The following UBA52 variants were observed in gnomAD, a reference collection of about 807,000 sequenced individuals.
UBA52 encodes the protein ubiquitin-ribosomal protein eL40 fusion protein.
In UBA52, 1 loss-of-function variant was observed where a neutral mutation model predicts 15.3. The ratio of observed to expected loss-of-function variants is 0.07; its 90% CI spans 0.02 to 0.31. The LOEUF (loss-of-function observed/expected upper bound fraction) is 0.31. UBA52 is among the 10% of genes least tolerant of loss of function. UBA52 has a pLI of 1.00. For synonymous variants in UBA52, 50 were observed against 58.3 expected (o/e 0.86, Z 0.65); for missense variants, 87 against 168.0 (o/e 0.52, Z 2.66).
At chr19:18,573,130 A>C (rs1377488570) in intron 1 of UBA52, 163 bp from the exon 2 acceptor site, 1 of 1,115,450 alleles carries the variant, frequency 9.0e-7, no homozygotes, top group African/African-American at 1.6e-5. Context: ...TGAGAAGCCT[A>C]GCAGGGCCAG....
the UBA52 span, chr19:18,564,903 C>T: frequency 1.2e-6 from 2 of 1,613,834 alleles, no homozygotes; most frequent in South Asian, 2.2e-5. Flanking sequence ...TGAGATGCTG[C>T]TCAACTTCAA....
Position 18,575,047 on chromosome 19 carries a change from C to G in UBA52, c.294-10C>G, listed in dbSNP as rs755022062. Reference sequence around the variant, plus strand: ...GTATGCCCTCACCCACCCCTCCTGTCTCTGTGCAGGTGCTATGCTCGCCTT... The same window carrying G: ...GTATGCCCTCACCCACCCCTCCTGTGTCTGTGCAGGTGCTATGCTCGCCTT... On this transcript the variant is annotated splice_polypyrimidine_tract_variant and intron_variant, in intron 4 of 4. Transcript: ENST00000442744. 8.1e-6 allele frequency: 13 copies of G among 1,614,090 alleles called. No individual in the cohort carries two copies. In the Admixed American group the frequency reaches 8.3e-5, roughly 10 times the overall value.
upstream of UBA52, chr19:18,567,395 A>C: frequency 1.5e-6 from 1 of 651,264 alleles, no homozygotes; most frequent in Non-Finnish European, 2.8e-6. Context: ...CCCCGTGGGG[A>C]GGCCGCACAG....
At chr19:18,563,933 C>T in the UBA52 span, among the ~76,000 whole-genome samples, 1 of 151,994 alleles carries the variant, frequency 6.6e-6, no homozygotes, top group African/African-American at 2.4e-5. Context: ...GTCACCCAGG[C>T]TGGAGTGCAG....
chr19:18,566,870 C>T (rs924905241), upstream of UBA52, among the ~76,000 whole-genome samples: 4 of 152,168 alleles, frequency 2.6e-5, no homozygotes, highest in Admixed American at 6.5e-5. Flanking sequence ...CAGCCAGTGC[C>T]TAGGCTCAGA....
the UBA52 span, chr19:18,565,014 C>G: frequency 6.3e-7 from 1 of 1,598,730 alleles, no homozygotes; most frequent in Non-Finnish European, 8.5e-7. Context: ...CATCTTCCGC[C>G]GTATCAGGTG....
chr19:18,566,169 G>A, the UBA52 span, among the ~76,000 whole-genome samples: 3 of 152,128 alleles, frequency 2.0e-5, no homozygotes, highest in Non-Finnish European at 2.9e-5. Context: ...AACACAGTGC[G>A]GCTGGGCGAG....
At chr19:18,568,462 C>T (rs777121931), upstream of UBA52, 8 of 1,614,090 alleles carry the variant, frequency 5.0e-6, no homozygotes, top group Non-Finnish European at 5.9e-6. Context: ...CCCAGCACCA[C>T]GACCACCATT....
upstream of UBA52, chr19:18,569,286 G>T (rs1975405275): frequency 6.6e-6 from 1 of 152,670 alleles, no homozygotes; most frequent in Non-Finnish European, 1.5e-5. Context: ...AGCCACCTCG[G>T]GAAAGAGTTT....
chr19:18,575,175 C>A lies in UBA52; in HGVS notation c.*25C>A. 1 of 1,613,456 alleles carries A rather than the reference C, an allele frequency of 6.2e-7. No homozygotes were observed. The highest frequency in any genetic ancestry group is 8.5e-7 in the Non-Finnish European group (1 of 1,179,594). ...AGGTGGTTCTTTCCTTGAAGGGCAG[C>A]CTCCTGCCCAGGCCCCGTGGCCCTG... On this transcript the variant is annotated 3_prime_UTR_variant, in exon 5 of 5. Coordinates refer to ENST00000442744, the MANE Select transcript of UBA52 (RefSeq NM_001033930.3).
At chr19:18,570,721 CTTG>C (rs1290246339), upstream of UBA52, among the ~76,000 whole-genome samples, 1 of 147,534 alleles carries the variant, frequency 6.8e-6, no homozygotes, top group Non-Finnish European at 1.5e-5. Context: ...GAGTTTTGCT[CTTG>C]TTGCCCAGGC....
chr19:18,570,152 C>T (rs576523627), upstream of UBA52, among the ~76,000 whole-genome samples: 6 of 152,242 alleles, frequency 3.9e-5, no homozygotes, highest in African/African-American at 1.4e-4. Context: ...CCCTGTTAAG[C>T]CTATAGGTAA....
At chr19:18,568,711 A>G, upstream of UBA52, 1 of 1,090,504 alleles carries the variant, frequency 9.2e-7, no homozygotes, top group Non-Finnish European at 1.3e-6. Flanking sequence ...TTGTTCTGTC[A>G]TCCAGGGCTC....
At chr19:18,573,226 CA>C (rs1975596588) in intron 1 of UBA52, 66 bp from the exon 2 acceptor site, 11 of 1,444,442 alleles carry the variant, frequency 7.6e-6, no homozygotes, top group African/African-American at 1.4e-5. Context: ...GTGGTGTAGG[CA>C]CCTGAGCTTG....
upstream of UBA52, chr19:18,568,909 G>C (rs561696825): frequency 9.0e-4 from 427 of 475,154 alleles, 1 homozygote; most frequent in Non-Finnish European, 1.4e-3. Flanking sequence ...GGGCACAGGG[G>C]AATTTTTCCA....
the UBA52 span, among the ~76,000 whole-genome samples, chr19:18,564,329 G>C: frequency 1.3e-5 from 2 of 152,096 alleles, no homozygotes; most frequent in African/African-American, 4.8e-5. Flanking sequence ...GGAATTAAAA[G>C]AGTCTGATTG....
chr19:18,566,518 C>T, the UBA52 span, among the ~76,000 whole-genome samples: 1 of 150,280 alleles, frequency 6.7e-6, no homozygotes, highest in African/African-American at 2.4e-5. Flanking sequence ...TGGCTGGGCA[C>T]AGTGGCTCAT....
chr19:18,570,977 TC>T (rs546522952), upstream of UBA52, among the ~76,000 whole-genome samples: 296 of 150,246 alleles, frequency 2.0e-3, 1 homozygote, highest in Non-Finnish European at 2.4e-3. Context: ...CGGACCCAGG[TC>T]CCGCCCTGGC....
intron 1 of UBA52, 110 bp from the exon 2 acceptor site, chr19:18,573,183 G>A (rs1055096507): frequency 8.4e-7 from 1 of 1,183,456 alleles, no homozygotes; most frequent in African/African-American, 1.5e-5. Context: ...GGCAGGACCA[G>A]TTGGACTTGG....
Sources: allele counts gnomAD v4.1 joint callset (sites outside exome capture counted in the v4.1 genomes callset), GRCh38; gene constraint gnomAD v4.1.1; transcripts MANE v1.5; gene names NCBI Gene and HGNC (gene_info 2026-07-23, HGNC 2026-07-21).